The following CHRM3 variants were observed in gnomAD, a reference collection of about 807,000 sequenced individuals.
CHRM3 encodes the protein cholinergic receptor muscarinic 3, also known as muscarinic acetylcholine receptor M3.
CHRM3 carries 11 observed loss-of-function variants against 41.8 expected under a neutral mutation model. The ratio of observed to expected loss-of-function variants is 0.26; its 90% CI spans 0.17 to 0.44. The LOEUF is 0.44. Ranked by LOEUF, CHRM3 falls within the 20% of genes least tolerant of loss-of-function variation. The pLI, the probability that CHRM3 is intolerant of heterozygous loss-of-function variation, is 1.00. For missense variants in CHRM3, 571 were observed against 745.4 expected (o/e 0.77, Z 2.72); for synonymous variants, 297 against 301.4 (o/e 0.99, Z 0.15).
chr1:239,708,135 A>T (rs776839969), intron 5 of CHRM3, among the ~76,000 whole-genome samples: 3 of 152,204 alleles, frequency 2.0e-5, no homozygotes, highest in Non-Finnish European at 2.9e-5. Flanking sequence ...TTTATGTTTC[A>T]GACTAAACCA....
chr1:239,575,849 C>T (rs1662287413), intron 3 of CHRM3, among the ~76,000 whole-genome samples: 1 of 151,848 alleles, frequency 6.6e-6, no homozygotes, highest in Non-Finnish European at 1.5e-5. Flanking sequence ...TTTAAGTGTA[C>T]AGCTAGCTTG....
chr1:239,886,891 G>C (rs896054339), intron 6 of CHRM3, among the ~76,000 whole-genome samples: 3 of 152,108 alleles, frequency 2.0e-5, no homozygotes, highest in Non-Finnish European at 4.4e-5. Flanking sequence ...CCTTTGATAT[G>C]TGATTTTATC....
At chr1:239,538,008 TA>T (rs1658377089) in intron 2 of CHRM3, among the ~76,000 whole-genome samples, 1 of 152,104 alleles carries the variant, frequency 6.6e-6, no homozygotes, top group African/African-American at 2.4e-5. Flanking sequence ...GGCATGTGGG[TA>T]GCCACGTGAG....
At chr1:239,762,126 T>A (rs488058) in intron 5 of CHRM3, among the ~76,000 whole-genome samples, 1 of 151,834 alleles carries the variant, frequency 6.6e-6, no homozygotes, top group Non-Finnish European at 1.5e-5. Flanking sequence ...GTTGAGGCAA[T>A]AGGGTAAATC....
Position 239,907,584 on chromosome 1 carries a change from G to A in CHRM3, c.133G>A (p.Ala45Thr). ...TTTCGGCAGCTACAATGTTTCTCGAGCAGCTGGCAATTTCTCCTCTCCAGA... is the reference window on the plus strand; with the variant it reads ...TTTCGGCAGCTACAATGTTTCTCGAACAGCTGGCAATTTCTCCTCTCCAGA... ...THFGSYNVSRAAGNFSSPDGT... is the reference protein window; with the variant it reads ...THFGSYNVSRTAGNFSSPDGT... Residue 45 changes from alanine (A) to threonine (T), a missense_variant, in exon 7 of 7, where the codon GCA becomes ACA. This residue lies in a region of CHRM3 where 92 missense variants were observed against 76.1 expected (regional missense o/e 1.21). Coordinates refer to ENST00000676153, the MANE Select transcript of CHRM3 (RefSeq NM_001375978.1). This position sits in a 1 kb window ranked among gnomAD's most constrained non-coding sequence, Gnocchi z 5.4. The A allele has an allele frequency of 6.2e-7, 1 of 1,614,134 alleles. No homozygotes were observed. Among genetic ancestry groups the A allele is most frequent in the Non-Finnish European group, 8.5e-7 (1 of 1,180,042 alleles).
intron 1 of CHRM3, among the ~76,000 whole-genome samples, chr1:239,440,524 T>C (rs1459020643): frequency 6.6e-6 from 1 of 152,202 alleles, no homozygotes; most frequent in African/African-American, 2.4e-5. Context: ...GAAACTAGGC[T>C]GCTGGTCTTA....
chr1:239,532,253 C>T (rs1482477909), intron 2 of CHRM3, among the ~76,000 whole-genome samples: 6 of 145,850 alleles, frequency 4.1e-5, no homozygotes, highest in African/African-American at 7.5e-5. Flanking sequence ...CCTCATGATC[C>T]GCCCACCTCG....
At chr1:239,445,334 A>T (rs1416178233) in intron 1 of CHRM3, among the ~76,000 whole-genome samples, 1 of 152,138 alleles carries the variant, frequency 6.6e-6, no homozygotes, top group African/African-American at 2.4e-5. Flanking sequence ...CTAATGATGA[A>T]GGGAAAATAT....
At chr1:239,796,332 T>A (rs536775825) in intron 5 of CHRM3, among the ~76,000 whole-genome samples, 1 of 152,282 alleles carries the variant, frequency 6.6e-6, no homozygotes, top group South Asian at 2.1e-4. Context: ...CAAAGATTTT[T>A]ATCTGTAAAT....
chr1:239,541,408 G>A (rs1395313997), intron 2 of CHRM3, among the ~76,000 whole-genome samples: 2 of 152,196 alleles, frequency 1.3e-5, no homozygotes, highest in Non-Finnish European at 1.5e-5. Context: ...TCCATAAAAT[G>A]AGGAGATTTA....
chr1:239,865,088 C>G (rs1489224588), intron 6 of CHRM3, among the ~76,000 whole-genome samples: 2 of 152,142 alleles, frequency 1.3e-5, no homozygotes, highest in Non-Finnish European at 2.9e-5. Flanking sequence ...TAAATAACTG[C>G]CCATTGACTA....
At position 239,877,215 on chromosome 1, in the gene CHRM3, A is replaced by G. The variant is rs930106705; in HGVS notation, c.-19-30218A>G. Among the ~76,000 whole-genome samples, 13 of 152,156 alleles carry G rather than the reference A, an allele frequency of 8.5e-5. 1 individual carries two copies. ...TTGGAAACTAATTGAAAGTTTTTTTATTTTGAAATATCAAGGCATTTTTCT... is the reference window on the plus strand; with the variant it reads ...TTGGAAACTAATTGAAAGTTTTTTTGTTTTGAAATATCAAGGCATTTTTCT... On this transcript the variant is annotated intron_variant, in intron 6 of 6. Transcript: ENST00000676153.
chr1:239,642,781 C>T (rs1229846847), intron 4 of CHRM3, among the ~76,000 whole-genome samples: 2 of 152,210 alleles, frequency 1.3e-5, no homozygotes, highest in Non-Finnish European at 2.9e-5. Flanking sequence ...AAGTCATTCT[C>T]CATCCAGCTT....
At chr1:239,544,370 A>T (rs1266265559) in intron 2 of CHRM3, among the ~76,000 whole-genome samples, 1 of 152,052 alleles carries the variant, frequency 6.6e-6, no homozygotes, top group Admixed American at 6.5e-5. Flanking sequence ...TAAAACGTGG[A>T]TTTTTTTCTT....
intron 4 of CHRM3, among the ~76,000 whole-genome samples, chr1:239,663,115 G>A (rs889581464): frequency 2.0e-5 from 3 of 151,644 alleles, no homozygotes; most frequent in Non-Finnish European, 2.9e-5. Context: ...GGGCTGTCCC[G>A]GTGCCGGGCA....
At chr1:239,715,130 C>T (rs1662207218) in intron 5 of CHRM3, among the ~76,000 whole-genome samples, 1 of 151,990 alleles carries the variant, frequency 6.6e-6, no homozygotes, top group Admixed American at 6.6e-5. Flanking sequence ...CTGAGAAGGA[C>T]CCATTAGGTT....
chr1:239,428,491 T>C (rs1662572265), intron 1 of CHRM3, among the ~76,000 whole-genome samples: 1 of 152,226 alleles, frequency 6.6e-6, no homozygotes, highest in African/African-American at 2.4e-5. Context: ...AACAACCCTA[T>C]GGAGTATGAA....
intron 3 of CHRM3, among the ~76,000 whole-genome samples, chr1:239,560,668 ATGTGTGTATATATATATATGTG>A (rs892354489): frequency 5.3e-5 from 8 of 152,028 alleles, no homozygotes; most frequent in African/African-American, 1.9e-4. Flanking sequence ...TTAAATATAT[ATGTGTGTATATATATATATGTG>A]TGTGTGTATA....
chr1:239,504,903 G>A (rs1668466587), intron 2 of CHRM3, among the ~76,000 whole-genome samples: 1 of 152,022 alleles, frequency 6.6e-6, no homozygotes, highest in East Asian at 1.9e-4. Context: ...GGACTTTGGG[G>A]ACTTGGGGGG....
Sources: allele counts gnomAD v4.1 joint callset (sites outside exome capture counted in the v4.1 genomes callset), GRCh38; gene constraint gnomAD v4.1.1; regional missense constraint gnomAD v4.1.1; non-coding constraint Gnocchi (gnomAD v3.1); transcripts MANE v1.5; gene names NCBI Gene and HGNC (gene_info 2026-07-23, HGNC 2026-07-21).